PPP1R21: variants seen among roughly 807,000 people sequenced by gnomAD.
PPP1R21 encodes protein phosphatase 1 regulatory subunit 21.
In PPP1R21, 85 loss-of-function variants were observed where a neutral mutation model predicts 112.8. The observed-to-expected ratio is 0.75, with a 90% CI of 0.63 to 0.90. The LOEUF (loss-of-function observed/expected upper bound fraction) is 0.90. Ranked by LOEUF, PPP1R21 falls within the 40% of genes least tolerant of loss-of-function variation. PPP1R21 has a pLI of 0.00. For missense variants in PPP1R21, 1,199 were observed against 901.5 expected (o/e 1.33, Z -4.23); for synonymous variants, 381 against 322.3 (o/e 1.18, Z -1.95).
intron 9 of PPP1R21, among the ~76,000 whole-genome samples, chr2:48,466,514 A>T (rs1215768781): frequency 6.6e-6 from 1 of 152,082 alleles, no homozygotes; most frequent in Non-Finnish European, 1.5e-5. Context: ...GGTGTAAGCC[A>T]CTGTGCCTGG....
At chr2:48,463,614 A>G (rs1668074607) in intron 7 of PPP1R21, among the ~76,000 whole-genome samples, 1 of 152,150 alleles carries the variant, frequency 6.6e-6, no homozygotes, top group Non-Finnish European at 1.5e-5. Context: ...GACAGGAGTC[A>G]GGGCAGAGAA....
intron 9 of PPP1R21, among the ~76,000 whole-genome samples, chr2:48,470,725 A>G (rs187321141): frequency 2.6e-5 from 4 of 152,192 alleles, no homozygotes; most frequent in African/African-American, 2.4e-5. Flanking sequence ...TGGGACCTCT[A>G]TGGAGAAGCA....
intron 11 of PPP1R21, among the ~76,000 whole-genome samples, chr2:48,473,376 T>A (rs1572858036): frequency 6.6e-6 from 1 of 152,218 alleles, no homozygotes; most frequent in Non-Finnish European, 1.5e-5. Context: ...TTAAGAAGAA[T>A]CTGTTTAAGA....
chr2:48,513,596 A>G (rs1670735349), intron 21 of PPP1R21, among the ~76,000 whole-genome samples: 1 of 152,112 alleles, frequency 6.6e-6, no homozygotes, highest in East Asian at 1.9e-4. Context: ...TTATGTCATT[A>G]ACCTGTCTTT....
chr2:48,469,886 A>G (rs1010888790), intron 9 of PPP1R21, among the ~76,000 whole-genome samples: 9 of 152,092 alleles, frequency 5.9e-5, no homozygotes, highest in African/African-American at 2.2e-4. Flanking sequence ...ATAACATCAT[A>G]AAGTAGACCT....
At chr2:48,481,384 A>T (rs1042902468) in intron 13 of PPP1R21, among the ~76,000 whole-genome samples, 1 of 152,230 alleles carries the variant, frequency 6.6e-6, no homozygotes, top group African/African-American at 2.4e-5. Context: ...GGCAGTTAAC[A>T]ATATTCAACT....
At chr2:48,495,865 T>C in intron 16 of PPP1R21, 94 bp downstream of exon 16, 1 of 721,538 alleles carries the variant, frequency 1.4e-6, no homozygotes, top group Non-Finnish European at 2.5e-6. Context: ...GATTCAAAAG[T>C]CTGCATAAAT....
Position 48,472,194 on chromosome 2 carries a change from C to T in PPP1R21, c.1088+827C>T, listed in dbSNP as rs536758357. On this transcript the variant is annotated intron_variant, in intron 11 of 21. Transcript: ENST00000294952. ...GGCGGAGGTTGCAGTGAGCCAAGAT[C>T]GCGCCATTGCACTCCAGCCTAGGCA... Among the ~76,000 whole-genome samples, 11 of 113,956 alleles carry T rather than the reference C, an allele frequency of 9.7e-5. No individual in the cohort carries two copies. In the South Asian group the frequency reaches 2.4e-3, roughly 25 times the overall value. 74.8% of individuals were successfully genotyped at this position (113,956 alleles called of 152,430 possible). A position where few individuals can be genotyped will look rare whatever the true frequency, so the allele number is the denominator to read the frequency against.
chr2:48,440,822 G>T lies in PPP1R21; in HGVS notation c.-132G>T. ...AAGTGGAGGAGGAGGCGCGGCGGCG[G>T]CGGCGGCGGCGGCTGCGGTGGCCAA... On this transcript the variant is annotated 5_prime_UTR_variant, in exon 1 of 22. Transcript: ENST00000294952. 2 of 672,262 alleles carry T rather than the reference G, an allele frequency of 3.0e-6. No individual in the cohort carries two copies. Among genetic ancestry groups the T allele is most frequent in the Non-Finnish European group, 2.6e-6 (1 of 386,000 alleles). 41.6% of individuals were successfully genotyped at this position (672,262 alleles called of 1,614,324 possible).
At chr2:48,491,829 G>A (rs951926599) in intron 15 of PPP1R21, among the ~76,000 whole-genome samples, 1 of 151,658 alleles carries the variant, frequency 6.6e-6, no homozygotes, top group Non-Finnish European at 1.5e-5. Flanking sequence ...CATGACTCAA[G>A]GGACATCATT....
rs1012450443 is a variant in PPP1R21, at chr2:48,446,672, C to T, written c.58-4336C>T. Reference sequence around the variant, plus strand: ...TATCCATAGCATTGATCTTTCATTGCAGGCAGGAAATACAAGGAAGTATAC... The same window carrying T: ...TATCCATAGCATTGATCTTTCATTGTAGGCAGGAAATACAAGGAAGTATAC... On this transcript the variant is annotated intron_variant, in intron 1 of 21. Coordinates refer to ENST00000294952, the MANE Select transcript of PPP1R21 (RefSeq NM_001135629.3). Among the ~76,000 whole-genome samples the T allele has an allele frequency of 3.3e-5, 5 of 152,030 alleles. No individual in the cohort carries two copies. In the South Asian group the frequency reaches 1.0e-3, roughly 32 times the overall value.
At chr2:48,484,664 A>AT (rs1345516640) in intron 13 of PPP1R21, among the ~76,000 whole-genome samples, 4 of 152,102 alleles carry the variant, frequency 2.6e-5, no homozygotes, top group Non-Finnish European at 5.9e-5. Context: ...TTACAGGCAC[A>AT]TGCCACTACA....
intron 16 of PPP1R21, among the ~76,000 whole-genome samples, chr2:48,496,622 C>T (rs541748244): frequency 3.3e-5 from 5 of 152,198 alleles, no homozygotes; most frequent in Non-Finnish European, 5.9e-5. Context: ...TGCATACCAC[C>T]ATGCCCGGCT....
intron 17 of PPP1R21, among the ~76,000 whole-genome samples, chr2:48,500,899 A>G (rs927974051): frequency 2.0e-5 from 3 of 151,366 alleles, no homozygotes; most frequent in African/African-American, 7.3e-5. Context: ...ACAGAGCCAG[A>G]CTCTGTCTCT....
In PPP1R21 at chr2:48,514,837, C is replaced by A; in HGVS notation, c.*93C>A. On this transcript the variant is annotated 3_prime_UTR_variant, in exon 22 of 22. Coordinates refer to ENST00000294952, the MANE Select transcript of PPP1R21 (RefSeq NM_001135629.3). ...AGACCACGTCCATGCTGGCTGCCTT[C>A]AGGAAGCTAAAGTATTGTTGGACCT... 1 of 1,291,316 alleles carries A rather than the reference C, an allele frequency of 7.7e-7. No individual in the cohort carries two copies. The highest frequency in any genetic ancestry group is 1.1e-6 in the Non-Finnish European group (1 of 905,074). The allele number at this position is 1,291,316 out of a possible 1,614,324, so 80.0% of individuals were successfully genotyped here.
Position 48,479,842 on chromosome 2 carries a change from T to C in PPP1R21, c.1226-82T>C. 5.7e-6 allele frequency: 5 copies of C among 874,132 alleles called. No homozygotes were observed. In the East Asian group the frequency reaches 7.2e-5, roughly 13 times the overall value. The allele number at this position is 874,132 out of a possible 1,614,324, so 54.1% of individuals were successfully genotyped here. ...AGCACATTACAACCAATCTTCATTC[T>C]CTATCTTCCCAAAAGTAGAGGGATA... On this transcript the variant is annotated intron_variant, in intron 12 of 21. Transcript: ENST00000294952.
chr2:48,451,912 G>T (rs932276732), intron 2 of PPP1R21, among the ~76,000 whole-genome samples: 22 of 152,130 alleles, frequency 1.4e-4, no homozygotes, highest in Non-Finnish European at 1.8e-4. Context: ...GTCCTTTTAC[G>T]TAGTCAGTTG....
At chr2:48,454,556 C>G (rs755864758) in intron 2 of PPP1R21, 39 bp from the exon 3 acceptor site, 1 of 1,612,016 alleles carries the variant, frequency 6.2e-7, no homozygotes, top group South Asian at 1.1e-5. Flanking sequence ...AACCTTACAG[C>G]TAAACTGTGA....
chr2:48,493,994 G>A (rs1159458752), intron 15 of PPP1R21, among the ~76,000 whole-genome samples: 1 of 150,040 alleles, frequency 6.7e-6, no homozygotes, highest in Non-Finnish European at 1.5e-5. Flanking sequence ...TGCCAGGGTG[G>A]GAGGATCACT....
Sources: allele counts gnomAD v4.1 joint callset (sites outside exome capture counted in the v4.1 genomes callset), GRCh38; gene constraint gnomAD v4.1.1; transcripts MANE v1.5; gene names NCBI Gene and HGNC (gene_info 2026-07-23, HGNC 2026-07-21).